Variants in CDH12 observed in about 807,000 individuals in gnomAD.
CDH12 encodes cadherin-12.
A neutral mutation model predicts 74.1 loss-of-function variants in CDH12; 41 were observed. That is an observed-to-expected ratio of 0.55 (90% CI 0.43 to 0.72). The LOEUF is 0.72. Among genes scored for constraint, CDH12 ranks in the 30% least tolerant of loss-of-function variants. The pLI is 0.00. For missense variants in CDH12, 945 were observed against 977.2 expected, an observed-to-expected ratio of 0.97 and a Z score of 0.44; for synonymous variants, 399 against 355.0, an observed-to-expected ratio of 1.12 and a Z score of -1.39.
chr5:22,215,819 T>G (rs1166232586), intron 3 of CDH12, among the ~76,000 whole-genome samples: 3 of 152,102 alleles, frequency 2.0e-5, no homozygotes, highest in Non-Finnish European at 2.9e-5. Context: ...TTCATATGGC[T>G]CTTTGAAATT....
chr5:22,570,145 TCC>T (rs1739475003), intron 1 of CDH12, among the ~76,000 whole-genome samples: 5 of 151,912 alleles, frequency 3.3e-5, no homozygotes, highest in African/African-American at 1.2e-4. Context: ...AACCTTCACC[TCC>T]CAGGTTCAAG....
Position 22,269,797 on chromosome 5 carries a change from T to C in CDH12, c.-332-57154A>G, listed in dbSNP as rs1021617168. 1.8e-4 allele frequency among the ~76,000 whole-genome samples: 27 copies of C among 152,154 alleles called. 1 individual carries two copies. The highest frequency in any genetic ancestry group is 1.7e-3 in the Admixed American group (26 of 15,254). ...TTATATTAAGTCAAAAGTAAAAAGG[T>C]ACCGAATATGTTCCATGAAAATAGT... On this transcript the variant is annotated intron_variant, in intron 3 of 14. Transcript: ENST00000382254.
At chr5:22,335,916 G>A (rs1739562203) in intron 3 of CDH12, among the ~76,000 whole-genome samples, 1 of 152,138 alleles carries the variant, frequency 6.6e-6, no homozygotes, top group Non-Finnish European at 1.5e-5. Flanking sequence ...ACAGTTTGGA[G>A]GGCTCAGAAG....
At position 22,546,195 on chromosome 5, in the gene CDH12, C is replaced by G. The variant is rs540908602; in HGVS notation, c.-522-40831G>C. On this transcript the variant is annotated intron_variant, in intron 1 of 14. Coordinates refer to ENST00000382254, the MANE Select transcript of CDH12 (RefSeq NM_004061.5). The stretch of plus-strand genomic sequence containing the variant: ...TCCTGACCTCATGATCCACCTGCCT[C>G]GGCCTCCCAAAGTGCTGGGATTACA... Among the ~76,000 whole-genome samples the G allele has an allele frequency of 1.2e-4, 18 of 152,206 alleles. No homozygotes were observed. In the South Asian group the frequency reaches 3.7e-3, roughly 32 times the overall value.
intron 3 of CDH12, among the ~76,000 whole-genome samples, chr5:22,273,137 T>A (rs907770867): frequency 6.6e-6 from 1 of 152,174 alleles, no homozygotes; most frequent in Non-Finnish European, 1.5e-5. Flanking sequence ...GGATGAGATT[T>A]GGGTGGGGAC....
chr5:22,278,730 A>G (rs1736748638), intron 3 of CDH12, among the ~76,000 whole-genome samples: 1 of 152,150 alleles, frequency 6.6e-6, no homozygotes, highest in South Asian at 2.1e-4. Flanking sequence ...ATTATGTCAC[A>G]TTTAGTCTAC....
At chr5:22,309,948 T>TA (rs36022705) in intron 3 of CDH12, among the ~76,000 whole-genome samples, 123 of 82,284 alleles carry the variant, frequency 1.5e-3, no homozygotes, top group African/African-American at 2.3e-3. Flanking sequence ...TTATCAAGTT[T>TA]AAAAAAAAAA....
intron 3 of CDH12, among the ~76,000 whole-genome samples, chr5:22,241,629 T>A (rs555981904): frequency 3.8e-4 from 58 of 152,200 alleles, no homozygotes; most frequent in Middle Eastern, 3.4e-3. Context: ...TAAATCTTAG[T>A]GGAAGAATAA....
chr5:22,502,763 C>T (rs903201600), intron 2 of CDH12, among the ~76,000 whole-genome samples: 1 of 151,988 alleles, frequency 6.6e-6, no homozygotes, highest in Admixed American at 6.6e-5. Flanking sequence ...AAAGATAAAG[C>T]CCCAATCCCA....
At chr5:22,340,723 C>A (rs1739813742) in intron 3 of CDH12, among the ~76,000 whole-genome samples, 1 of 152,050 alleles carries the variant, frequency 6.6e-6, no homozygotes, top group South Asian at 2.1e-4. Context: ...TGTTTTAAAT[C>A]TTAGTCTTGT....
At chr5:22,311,857 T>A (rs1738407957) in intron 3 of CDH12, among the ~76,000 whole-genome samples, 1 of 152,104 alleles carries the variant, frequency 6.6e-6, no homozygotes, top group African/African-American at 2.4e-5. Context: ...TCTAAGCTAT[T>A]TTTCTCTTCT....
chr5:22,211,397 C>T (rs1240486936), intron 4 of CDH12, among the ~76,000 whole-genome samples: 1 of 151,960 alleles, frequency 6.6e-6, no homozygotes, highest in Non-Finnish European at 1.5e-5. Flanking sequence ...CATACAATAT[C>T]AAGGTAAGTG....
intron 3 of CDH12, among the ~76,000 whole-genome samples, chr5:22,235,981 T>C (rs958720296): frequency 2.6e-5 from 4 of 152,202 alleles, no homozygotes; most frequent in African/African-American, 7.2e-5. Flanking sequence ...ATGTAGGCAA[T>C]TGTAACACAA....
At chr5:22,657,527 G>A (rs559617802) in intron 1 of CDH12, among the ~76,000 whole-genome samples, 156 of 152,226 alleles carry the variant, frequency 1.0e-3, no homozygotes, top group African/African-American at 3.7e-3. Context: ...GAAGCCCTCC[G>A]TGGCTTCCAG....
rs117391614 is a variant in CDH12 at position 22,497,788 on chromosome 5, A to G, written c.-428+7482T>C. ...CTCCTAAGTGGCTGGAATTACAGAC[A>G]TGTGCGTCCACACCGGGATAATTTT... On this transcript the variant is annotated intron_variant, in intron 2 of 14. Transcript: ENST00000382254. 2.1e-3 allele frequency among the ~76,000 whole-genome samples: 322 copies of G among 151,754 alleles called. 6 individuals carry two copies. In the East Asian group the frequency reaches 0.042, roughly 20 times the overall value.
intron 4 of CDH12, among the ~76,000 whole-genome samples, chr5:22,122,021 C>T (rs534378742): frequency 6.6e-6 from 1 of 152,064 alleles, no homozygotes; most frequent in East Asian, 1.9e-4. Flanking sequence ...TCCCACATGG[C>T]AGCAATTAAA....
chr5:21,931,203 G>T (rs921062788), intron 6 of CDH12, among the ~76,000 whole-genome samples: 1 of 151,808 alleles, frequency 6.6e-6, no homozygotes, highest in African/African-American at 2.4e-5. Flanking sequence ...CAACTTACAG[G>T]ATTCAAATGC....
intron 9 of CDH12, among the ~76,000 whole-genome samples, chr5:21,807,325 A>G (rs1747483767): frequency 6.6e-6 from 1 of 152,124 alleles, no homozygotes; most frequent in Admixed American, 6.6e-5. Context: ...CTGGGCCTTC[A>G]GGGAGACTGA....
chr5:22,625,444 A>C (rs1738235901), intron 1 of CDH12, among the ~76,000 whole-genome samples: 1 of 152,192 alleles, frequency 6.6e-6, no homozygotes, highest in Non-Finnish European at 1.5e-5. Context: ...TGGACACTTA[A>C]GCTAGCAGGA....
Sources: allele counts gnomAD v4.1 joint callset (sites outside exome capture counted in the v4.1 genomes callset), GRCh38; gene constraint gnomAD v4.1.1; transcripts MANE v1.5; gene names NCBI Gene and HGNC (gene_info 2026-07-23, HGNC 2026-07-21).